The following RAD50 variants were observed in gnomAD, a reference collection of about 807,000 sequenced individuals.
RAD50 encodes DNA repair protein RAD50.
RAD50 carries 132 observed loss-of-function variants against 168.8 expected under a neutral mutation model. The observed-to-expected ratio is 0.78, with a 90% CI of 0.68 to 0.90. RAD50 has a LOEUF of 0.90. Ranked by LOEUF, RAD50 falls within the 40% of genes least tolerant of loss-of-function variation. The pLI is 0.00. For missense variants in RAD50, 1,347 were observed against 1,534.4 expected (o/e 0.88, Z 2.04); for synonymous variants, 525 against 497.4 (o/e 1.06, Z -0.74).
chr5:132,629,764 C>G (rs1409563452), intron 21 of RAD50, among the ~76,000 whole-genome samples: 1 of 152,150 alleles, frequency 6.6e-6, no homozygotes, highest in Non-Finnish European at 1.5e-5. Flanking sequence ...TAAGGTAACA[C>G]AGGAAGTCAG....
rs863224737 is a variant in RAD50, at chr5:132,591,336, A to G, written c.1565A>G (p.Asp522Gly). The change falls in exon 10 of 25, where the codon GAC (aspartate) becomes GGC (glycine). Residue 522 changes from aspartate (D) to glycine (G), a missense_variant. Asp to Gly is a moderately conservative substitution (Grantham distance 94). Coordinates refer to ENST00000378823, the MANE Select transcript of RAD50 (RefSeq NM_005732.4). ...TTAGACAGGACCCTGCGTAAACTTG[A>G]CCAGGAGATGGAGCAGTTAAACCAT... is the stretch of plus-strand genomic sequence containing the variant. The part of the protein sequence containing the change: ...ADLDRTLRKL[D>G]QEMEQLNHHT... 5.0e-6 allele frequency: 8 copies of G among 1,613,882 alleles called. No homozygotes were observed. In the African/African-American group the frequency reaches 1.1e-4, roughly 22 times the overall value.
At chr5:132,590,299 G>A (rs757140791) in intron 9 of RAD50, among the ~76,000 whole-genome samples, 12 of 152,046 alleles carry the variant, frequency 7.9e-5, no homozygotes, top group African/African-American at 2.2e-4. Flanking sequence ...GTGAAACCCC[G>A]TCTCTACTAA....
chr5:132,614,644 G>T (rs565410736), intron 19 of RAD50, among the ~76,000 whole-genome samples: 1 of 151,544 alleles, frequency 6.6e-6, no homozygotes, highest in Admixed American at 6.6e-5. Flanking sequence ...TAAATGATAC[G>T]TAGTTTTTAT....
intron 3 of RAD50, 98 bp downstream of exon 3, chr5:132,576,026 T>A: frequency 8.0e-7 from 1 of 1,243,454 alleles, no homozygotes; most frequent in Non-Finnish European, 1.1e-6. Flanking sequence ...GGGAGCATAT[T>A]AAATTTTTTT....
rs1750015936 is a variant in RAD50, at chr5:132,557,256, C to G, written c.-69C>G. On this transcript the variant is annotated 5_prime_UTR_variant, in exon 1 of 25. Coordinates refer to ENST00000378823, the MANE Select transcript of RAD50 (RefSeq NM_005732.4). ...TCGCGGGTCTCACGTCCCGTGCACG[C>G]CTTGCTTCGGCCTCAGTTAAGCCTT... 2.5e-6 allele frequency: 4 copies of G among 1,580,492 alleles called. No homozygotes were observed. Among genetic ancestry groups the G allele is most frequent in the Non-Finnish European group, 3.5e-6 (4 of 1,149,628 alleles).
intron 21 of RAD50, among the ~76,000 whole-genome samples, chr5:132,631,396 A>G (rs981731718): frequency 6.6e-6 from 1 of 152,196 alleles, no homozygotes; most frequent in African/African-American, 2.4e-5. Flanking sequence ...CTGGGATTAC[A>G]GGCGTGAGCC....
chr5:132,591,258 A>C lies in RAD50; in HGVS notation c.1487A>C (p.Asn496Thr), dbSNP rs876658141. ...RELSKAEKNSNVETLKMEVIS... is the reference protein window; with the variant it reads ...RELSKAEKNSTVETLKMEVIS... Reference sequence around the variant, plus strand: ...TTAAGCAAGGCTGAGAAAAACAGCAATGTAGAAACCTTAAAAATGGAAGTA... The same window carrying C: ...TTAAGCAAGGCTGAGAAAAACAGCACTGTAGAAACCTTAAAAATGGAAGTA... The change falls in exon 10 of 25, where the codon AAT (asparagine) becomes ACT (threonine). Residue 496 changes from asparagine to threonine, a missense_variant. Asn to Thr is a moderately conservative substitution (Grantham distance 65, BLOSUM62 0). Coordinates refer to ENST00000378823, the MANE Select transcript of RAD50 (RefSeq NM_005732.4). 1 of 1,613,020 alleles carries C rather than the reference A, an allele frequency of 6.2e-7. No individual in the cohort carries two copies. Among genetic ancestry groups the C allele is most frequent in the East Asian group, 2.2e-5 (1 of 44,838 alleles).
chr5:132,619,815 C>A (rs1348895663), intron 21 of RAD50, among the ~76,000 whole-genome samples: 21 of 118,356 alleles, frequency 1.8e-4, no homozygotes, highest in African/African-American at 7.5e-4. Context: ...TCTCTCTACT[C>A]CTCTCTCTCT....
chr5:132,613,457 T>C (rs1751122192), intron 19 of RAD50, among the ~76,000 whole-genome samples: 1 of 152,136 alleles, frequency 6.6e-6, no homozygotes, highest in African/African-American at 2.4e-5. Flanking sequence ...CTCTGATACA[T>C]TTTGTAGACT....
At chr5:132,609,649 G>T (rs556597225) in intron 19 of RAD50, among the ~76,000 whole-genome samples, 12 of 152,084 alleles carry the variant, frequency 7.9e-5, no homozygotes, top group Non-Finnish European at 1.6e-4. Context: ...GGCCGTGGCG[G>T]CGCGCACCTG....
intron 2 of RAD50, among the ~76,000 whole-genome samples, chr5:132,560,198 T>G (rs774717359): frequency 6.6e-6 from 1 of 152,214 alleles, no homozygotes; most frequent in Non-Finnish European, 1.5e-5. Flanking sequence ...TATAAAACCA[T>G]GTCTACGTGA....
chr5:132,601,836 A>G (rs973725254), intron 13 of RAD50, among the ~76,000 whole-genome samples: 2 of 152,198 alleles, frequency 1.3e-5, no homozygotes, highest in African/African-American at 4.8e-5. Context: ...AGGGACATGG[A>G]TGAAGCTGGA....
In RAD50 at chr5:132,638,102, G is replaced by T. The variant is rs763145238; in HGVS notation, c.3497G>T (p.Arg1166Leu). Residue 1166 changes from arginine to leucine, a missense_variant, in exon 23 of 25, where the codon CGG becomes CTG. By Grantham distance (102) the Arg-to-Leu change is moderately radical. This residue lies in a region of RAD50 where 635 missense variants were observed against 739.2 expected (regional missense o/e 0.86). Transcript: ENST00000378823. ...TCAGATATTGAATACATAGAAATACGGTCTGATGCCGATGAAAATGTATCA... is the reference window on the plus strand; with the variant it reads ...TCAGATATTGAATACATAGAAATACTGTCTGATGCCGATGAAAATGTATCA... Reference protein sequence around the residue: ...RGQDIEYIEIRSDADENVSAS... With the variant: ...RGQDIEYIEILSDADENVSAS... 5 of 1,613,892 alleles carry T rather than the reference G, an allele frequency of 3.1e-6. No homozygotes were observed. Among genetic ancestry groups the T allele is most frequent in the Admixed American group, 1.7e-5 (1 of 60,004 alleles).
At chr5:132,631,354 A>G (rs980768346) in intron 21 of RAD50, among the ~76,000 whole-genome samples, 1 of 152,098 alleles carries the variant, frequency 6.6e-6, no homozygotes, top group Non-Finnish European at 1.5e-5. Context: ...ATCTGACCTC[A>G]AGTGATTTAC....
rs1200638952 is a variant in RAD50, at chr5:132,640,801, G to A, written c.3748G>A (p.Val1250Ile). The A allele has an allele frequency of 6.2e-7, 1 of 1,613,052 alleles. No homozygotes were observed. The highest frequency in any genetic ancestry group is 8.5e-7 in the Non-Finnish European group (1 of 1,179,466). The part of the protein sequence containing the change: ...ENIESLAHAL[V>I]EIIKSRSQQR... Reference sequence around the variant, plus strand: ...CATTGAATCTCTTGCACATGCTCTGGTTGAGTAAGTATCTCTTGCACATGC... The same window carrying A: ...CATTGAATCTCTTGCACATGCTCTGATTGAGTAAGTATCTCTTGCACATGC... The change falls in exon 24 of 25, where the codon GTT (valine) becomes ATT (isoleucine). Residue 1250 changes from valine (V) to isoleucine (I), a missense_variant. Physicochemically the swap from Val to Ile is conservative, Grantham distance 29. Coordinates refer to ENST00000378823, the MANE Select transcript of RAD50 (RefSeq NM_005732.4).
chr5:132,618,355 T>C (rs1751216623), intron 21 of RAD50, 61 bp downstream of exon 21: 2 of 1,587,314 alleles, frequency 1.3e-6, no homozygotes, highest in African/African-American at 1.4e-5. Context: ...ACTTTAGTCA[T>C]CTTTTCTCTC....
intron 2 of RAD50, among the ~76,000 whole-genome samples, chr5:132,568,745 T>A (rs1750252682): frequency 1.3e-5 from 2 of 152,186 alleles, no homozygotes; most frequent in Admixed American, 1.3e-4. Flanking sequence ...CTTTGAAAAT[T>A]GGAGGTGAAA....
intron 13 of RAD50, among the ~76,000 whole-genome samples, chr5:132,596,284 C>T (rs548162460): frequency 1.7e-4 from 26 of 152,162 alleles, no homozygotes; most frequent in Non-Finnish European, 2.9e-4. Context: ...GTGTGAGCAC[C>T]GTGCATAGCC....
In RAD50 at chr5:132,588,109, T is replaced by G; in HGVS notation, c.1051+20T>G. On this transcript the variant is annotated intron_variant, in intron 7 of 24. Coordinates refer to ENST00000378823, the MANE Select transcript of RAD50 (RefSeq NM_005732.4). The stretch of plus-strand genomic sequence containing the variant: ...AACAGGGTAGGACAAAATGTTTATT[T>G]GGTCGTTTTTCCTACTATGATGTTA... 6.2e-7 allele frequency: 1 copy of G among 1,600,896 alleles called. No individual in the cohort carries two copies. The highest frequency in any genetic ancestry group is 2.2e-5 in the East Asian group (1 of 44,682).
Sources: allele counts gnomAD v4.1 joint callset (sites outside exome capture counted in the v4.1 genomes callset), GRCh38; gene constraint gnomAD v4.1.1; regional missense constraint gnomAD v4.1.1; transcripts MANE v1.5; gene names NCBI Gene and HGNC (gene_info 2026-07-23, HGNC 2026-07-21).